The following IL1RAPL2 variants were observed in gnomAD, a reference collection of about 807,000 sequenced individuals.
IL1RAPL2 encodes X-linked interleukin-1 receptor accessory protein-like 2.
Under a neutral mutation model 44.1 loss-of-function variants are expected in IL1RAPL2, and 3 were observed. The observed-to-expected ratio is 0.07, with a 90% confidence interval of 0.03 to 0.18. IL1RAPL2 has a LOEUF of 0.18. Ranked by LOEUF, IL1RAPL2 falls within the 10% of genes least tolerant of loss-of-function variation. The pLI is 1.00. For synonymous variants in IL1RAPL2, 181 were observed against 178.8 expected (o/e 1.01, Z -0.10); for missense variants, 391 against 496.4 (o/e 0.79, Z 2.02).
chrX:105,175,984 AAAT>A (rs1339428693), intron 2 of IL1RAPL2, among the ~76,000 whole-genome samples: 1 of 111,312 alleles, frequency 9.0e-6, no homozygotes, highest in African/African-American at 3.3e-5. Flanking sequence ...TGAAATTATT[AAAT>A]AATATAATAA....
intron 2 of IL1RAPL2, among the ~76,000 whole-genome samples, chrX:104,896,096 G>C (rs926561030): frequency 7.2e-5 from 8 of 111,560 alleles, no homozygotes; most frequent in African/African-American, 2.6e-4. Flanking sequence ...ACAGGAAAAG[G>C]CTTCTGAAAT....
At chrX:105,682,431 A>AT (rs1481076858) in intron 6 of IL1RAPL2, among the ~76,000 whole-genome samples, 3 of 111,632 alleles carry the variant, frequency 2.7e-5, no homozygotes, top group African/African-American at 9.7e-5. Context: ...AGAAGATGCC[A>AT]TTTTCAATTT....
chrX:104,823,528 T>A (rs1424569774), intron 2 of IL1RAPL2, among the ~76,000 whole-genome samples: 2 of 108,109 alleles, frequency 1.8e-5, no homozygotes, highest in African/African-American at 6.7e-5. Flanking sequence ...GTTCCAAGTC[T>A]TTGCTATTGT....
chrX:104,752,008 A>G (rs1334475517), intron 2 of IL1RAPL2, among the ~76,000 whole-genome samples: 2 of 111,333 alleles, frequency 1.8e-5, no homozygotes, highest in African/African-American at 3.3e-5. Context: ...TGAGTAATAC[A>G]TAAGAAAGTT....
chrX:105,587,425 GT>G (rs1214573574), intron 6 of IL1RAPL2, among the ~76,000 whole-genome samples: 1 of 110,485 alleles, frequency 9.1e-6, no homozygotes, highest in Middle Eastern at 4.9e-3. Context: ...CCTTTTATTT[GT>G]TTTTTCTGTT....
At chrX:105,076,144 G>A (rs35743415) in intron 2 of IL1RAPL2, among the ~76,000 whole-genome samples, 1 of 111,090 alleles carries the variant, frequency 9.0e-6, no homozygotes, top group Non-Finnish European at 1.9e-5. Context: ...TAGGGTGTCA[G>A]TTTTAGATCT....
chrX:104,765,922 A>G lies in IL1RAPL2; in HGVS notation c.82+106927A>G, dbSNP rs765996192. The stretch of plus-strand genomic sequence containing the variant: ...AAATGCTGCCCATTGAGCATGGGAT[A>G]TCATCTTGATGAATTATTTCAAAAC... On this transcript the variant is annotated intron_variant, in intron 2 of 10. Transcript: ENST00000372582. 4.4e-5 allele frequency among the ~76,000 whole-genome samples: 5 copies of G among 112,458 alleles called. No homozygotes were observed. The South Asian group carries it at 1.9e-3, about 42-fold the overall frequency.
intron 5 of IL1RAPL2, among the ~76,000 whole-genome samples, chrX:105,350,164 C>A (rs912874511): frequency 2.7e-5 from 3 of 111,991 alleles, no homozygotes; most frequent in African/African-American, 9.7e-5. Context: ...CATATGAGTT[C>A]TTGAAACGTA....
rs938958473 is a variant in IL1RAPL2, at chrX:105,184,230, T to C, written c.83-11245T>C. ...TTGAAATTCAGCATTCTCTCTTAGG[T>C]GTTCTCTTTGAAGTGTAATTATGTA... On this transcript the variant is annotated intron_variant, in intron 2 of 10. Transcript: ENST00000372582. Among the ~76,000 whole-genome samples, 13 of 111,688 alleles carry C rather than the reference T, an allele frequency of 1.2e-4. No individual in the cohort carries two copies. The East Asian group carries it at 3.7e-3, about 31-fold the overall frequency.
chrX:104,813,652 G>T (rs1921058079), intron 2 of IL1RAPL2, among the ~76,000 whole-genome samples: 2 of 111,269 alleles, frequency 1.8e-5, no homozygotes, highest in Admixed American at 1.9e-4. Flanking sequence ...CACTTTTTCA[G>T]TCCTTTCCTT....
chrX:105,369,264 C>A (rs2035319295), intron 5 of IL1RAPL2, among the ~76,000 whole-genome samples: 1 of 111,008 alleles, frequency 9.0e-6, no homozygotes, highest in Admixed American at 9.7e-5. Context: ...GATAAAAATT[C>A]TCCTCTCTCA....
chrX:105,141,238 TAGAA>T (rs2033123624), intron 2 of IL1RAPL2, among the ~76,000 whole-genome samples: 1 of 110,995 alleles, frequency 9.0e-6, no homozygotes, highest in Non-Finnish European at 1.9e-5. Context: ...ATGCCCTAGA[TAGAA>T]AGGAAGGAGT....
intron 2 of IL1RAPL2, among the ~76,000 whole-genome samples, chrX:104,680,254 G>A (rs1332647683): frequency 3.6e-5 from 4 of 111,666 alleles, no homozygotes; most frequent in African/African-American, 1.3e-4. Context: ...TCTTAGCTCT[G>A]CCTCCTGGAA....
At chrX:104,870,611 T>C (rs1383261264) in intron 2 of IL1RAPL2, among the ~76,000 whole-genome samples, 3 of 111,661 alleles carry the variant, frequency 2.7e-5, no homozygotes, top group Non-Finnish European at 5.7e-5. Context: ...ATACCTCCTA[T>C]TACTAGTTGT....
chrX:105,172,998 T>C (rs1174051134), intron 2 of IL1RAPL2, among the ~76,000 whole-genome samples: 2 of 110,879 alleles, frequency 1.8e-5, no homozygotes, highest in African/African-American at 6.6e-5. Context: ...CATACCCTGT[T>C]AATGGTAATC....
chrX:105,024,200 T>C (rs186093534), intron 2 of IL1RAPL2, among the ~76,000 whole-genome samples: 1 of 111,907 alleles, frequency 8.9e-6, no homozygotes, highest in African/African-American at 3.2e-5. Context: ...TTAACGAGAA[T>C]AGTCCCTTGT....
chrX:105,453,854 A>G (rs1257412448), intron 5 of IL1RAPL2, among the ~76,000 whole-genome samples: 7 of 112,196 alleles, frequency 6.2e-5, no homozygotes, highest in Non-Finnish European at 1.3e-4. Flanking sequence ...GTTTAGGATT[A>G]GATATTGTAA....
intron 2 of IL1RAPL2, among the ~76,000 whole-genome samples, chrX:104,770,057 T>C (rs758476136): frequency 9.0e-6 from 1 of 110,805 alleles, no homozygotes; most frequent in South Asian, 3.9e-4. Flanking sequence ...CATCTAGGAT[T>C]TTTTTTTGTC....
chrX:105,428,562 CCTT>C (rs1343173407), intron 5 of IL1RAPL2, among the ~76,000 whole-genome samples: 3 of 111,772 alleles, frequency 2.7e-5, no homozygotes, highest in South Asian at 3.7e-4. Flanking sequence ...GTTGTGTTCA[CCTT>C]CTTTTTGCAT....
Sources: allele counts gnomAD v4.1 joint callset (sites outside exome capture counted in the v4.1 genomes callset), GRCh38; gene constraint gnomAD v4.1.1; transcripts MANE v1.5; gene names NCBI Gene and HGNC (gene_info 2026-07-23, HGNC 2026-07-21).